MMS19: variants seen among roughly 807,000 people sequenced by gnomAD.
The protein encoded by MMS19 is MMS19 cytosolic iron-sulfur assembly component, also known as MMS19 nucleotide excision repair protein homolog.
MMS19 carries 77 observed loss-of-function variants against 129.8 expected under a neutral mutation model. The observed-to-expected ratio is 0.59, with a 90% CI of 0.49 to 0.72. The LOEUF is 0.72. Among genes scored for constraint, MMS19 ranks in the 30% least tolerant of loss-of-function variants. MMS19 has a pLI of 0.00. For synonymous variants in MMS19, 491 were observed against 502.8 expected (o/e 0.98, Z 0.31); for missense variants, 1,168 against 1,266.3 (o/e 0.92, Z 1.18).
upstream of MMS19, chr10:97,498,514 C>G: frequency 7.3e-7 from 1 of 1,379,102 alleles, no homozygotes; most frequent in Non-Finnish European, 9.7e-7. Context: ...TGCCTGCCGG[C>G]TTCTGCCTAG....
rs575034488 is a variant in MMS19 at position 97,483,775 on chromosome 10, GT to G, written c.161+327del. On this transcript the variant is annotated intron_variant, in intron 2 of 30. Transcript: ENST00000438925. ...GCAGGCTAGCATCCCATGGAGGTAGGTGGGTCTACAGATGCACAAAGGAATC... is the reference window on the plus strand; with the variant it reads ...GCAGGCTAGCATCCCATGGAGGTAGGGGGTCTACAGATGCACAAAGGAATC... 5.1e-4 allele frequency among the ~76,000 whole-genome samples: 78 copies of G among 152,332 alleles called. 1 individual carries two copies. Among genetic ancestry groups the G allele is most frequent in the African/African-American group, 1.8e-3 (76 of 41,570 alleles).
chr10:97,470,040 T>A (rs1168250483), intron 10 of MMS19, 89 bp downstream of exon 10: 1 of 944,172 alleles, frequency 1.1e-6, no homozygotes, highest in South Asian at 1.4e-5. Context: ...GCCCATGAAC[T>A]GTTCCTTGGC....
chr10:97,462,963 G>A, intron 19 of MMS19: 2 of 336,314 alleles, frequency 5.9e-6, no homozygotes, highest in South Asian at 7.3e-5. Context: ...CTTAACATAA[G>A]AAATAGAAAT....
chr10:97,495,676 AAC>A (rs2039653682), intron 1 of MMS19, among the ~76,000 whole-genome samples: 1 of 152,262 alleles, frequency 6.6e-6, no homozygotes, highest in Non-Finnish European at 1.5e-5. Context: ...TAGTACAGAT[AAC>A]AGGTCATTCA....
At chr10:97,485,675 T>C (rs1034725947) in intron 1 of MMS19, among the ~76,000 whole-genome samples, 1 of 152,146 alleles carries the variant, frequency 6.6e-6, no homozygotes, top group African/African-American at 2.4e-5. Context: ...GTTGAACTCC[T>C]GACCTCAGGT....
chr10:97,486,815 C>A (rs1461951354), intron 1 of MMS19, among the ~76,000 whole-genome samples: 1 of 137,136 alleles, frequency 7.3e-6, no homozygotes, highest in African/African-American at 2.7e-5. Context: ...AAAACACTAA[C>A]AGAATACTTT....
rs1033584472 is a variant in MMS19, at chr10:97,458,689, G to C, written c.*3C>G. 2 of 1,607,318 alleles carry C rather than the reference G, an allele frequency of 1.2e-6. No homozygotes were observed. Among genetic ancestry groups the C allele is most frequent in the East Asian group, 2.2e-5 (1 of 44,588 alleles). The stretch of plus-strand genomic sequence containing the variant: ...CAGAACAGTCTAGGCCAGGACTGAG[G>C]GCTCAGCTGCCAGGGCTCCCCAACA... On this transcript the variant is annotated 3_prime_UTR_variant, in exon 31 of 31. Coordinates refer to ENST00000438925, the MANE Select transcript of MMS19 (RefSeq NM_022362.5).
At chr10:97,498,640 G>C (rs1029191219), upstream of MMS19, 2 of 500,810 alleles carry the variant, frequency 4.0e-6, no homozygotes, top group East Asian at 3.7e-5. Flanking sequence ...CCGGCTCCCC[G>C]GGAGACGGGC....
At chr10:97,477,152 T>G (rs2035917926) in intron 6 of MMS19, 189 bp from the exon 7 acceptor site, 2 of 1,475,494 alleles carry the variant, frequency 1.4e-6, no homozygotes, top group Non-Finnish European at 1.8e-6. Context: ...GAGGCAAGAA[T>G]TTAAAACACT....
At chr10:97,461,223 C>A in intron 23 of MMS19, 1 of 605,508 alleles carries the variant, frequency 1.7e-6, no homozygotes, top group Non-Finnish European at 2.9e-6. Flanking sequence ...TCATCTACTT[C>A]CAATAAAGAA....
intron 1 of MMS19, among the ~76,000 whole-genome samples, chr10:97,491,426 G>C (rs1446635319): frequency 1.3e-5 from 2 of 152,186 alleles, no homozygotes; most frequent in African/African-American, 4.8e-5. Context: ...CAGCACTCTG[G>C]GAGGACGAGG....
chr10:97,458,768 G>C (rs1012952667), intron 30 of MMS19, 32 bp downstream of exon 30: 3 of 1,613,318 alleles, frequency 1.9e-6, no homozygotes, highest in African/African-American at 2.7e-5. Context: ...GCTCATCTTG[G>C]TCCCATCTCT....
intron 1 of MMS19, among the ~76,000 whole-genome samples, chr10:97,495,486 A>G (rs2039624814): frequency 6.6e-6 from 1 of 152,214 alleles, no homozygotes; most frequent in Non-Finnish European, 1.5e-5. Flanking sequence ...TAGCGCTAAC[A>G]AAGCTTGATT....
At chr10:97,469,133 A>G in intron 11 of MMS19, 29 bp from the exon 12 acceptor site, 8 of 1,554,156 alleles carry the variant, frequency 5.1e-6, no homozygotes, top group Non-Finnish European at 6.1e-6. Flanking sequence ...ATGGCTACTG[A>G]GGTGAGCCTG....
intron 1 of MMS19, among the ~76,000 whole-genome samples, chr10:97,489,501 T>G (rs1244049621): frequency 6.6e-6 from 1 of 152,230 alleles, no homozygotes; most frequent in African/African-American, 2.4e-5. Flanking sequence ...TGTTAACGTC[T>G]TACATGGCAC....
At chr10:97,492,929 C>A (rs1364769624) in intron 1 of MMS19, among the ~76,000 whole-genome samples, 1 of 151,036 alleles carries the variant, frequency 6.6e-6, no homozygotes, top group Non-Finnish European at 1.5e-5. Flanking sequence ...AAATAGGGTA[C>A]CATGTTAGGG....
chr10:97,463,857 C>G lies in MMS19; in HGVS notation c.1912+1G>C. Reference sequence around the variant, plus strand: ...GCCAGGAAGGAGAGGTGGAAAGTTACCTGGCATAGAGGCCTGCACAGCCAA... The same window carrying G: ...GCCAGGAAGGAGAGGTGGAAAGTTAGCTGGCATAGAGGCCTGCACAGCCAA... On this transcript the variant is annotated splice_donor_variant, in intron 19 of 30. Transcript: ENST00000438925. LOFTEE classifies it high-confidence loss of function. 2 of 1,609,070 alleles carry G rather than the reference C, an allele frequency of 1.2e-6. No individual in the cohort carries two copies. The highest frequency in any genetic ancestry group is 1.7e-6 in the Non-Finnish European group (2 of 1,177,804).
intron 1 of MMS19, 83 bp downstream of exon 1, chr10:97,498,190 T>G: frequency 7.6e-7 from 1 of 1,322,820 alleles, no homozygotes; most frequent in Non-Finnish European, 1.0e-6. Flanking sequence ...ACCCCGCTCC[T>G]CCCTTCCCGC....
At chr10:97,467,272 C>A (rs749197554) in intron 14 of MMS19, among the ~76,000 whole-genome samples, 13 of 152,274 alleles carry the variant, frequency 8.5e-5, no homozygotes, top group South Asian at 4.1e-4. Flanking sequence ...AGCCACCATG[C>A]CCCGCCTCCT....
Sources: allele counts gnomAD v4.1 joint callset (sites outside exome capture counted in the v4.1 genomes callset), GRCh38; gene constraint gnomAD v4.1.1; transcripts MANE v1.5; gene names NCBI Gene and HGNC (gene_info 2026-07-23, HGNC 2026-07-21).